The following BTRC variants were observed in gnomAD, a reference collection of about 807,000 sequenced individuals.
BTRC encodes the protein F-box/WD repeat-containing protein 1A.
In BTRC, 42 loss-of-function variants were observed where a neutral mutation model predicts 85.5. The observed-to-expected ratio is 0.49, with a 90% CI of 0.38 to 0.64. The LOEUF is 0.64. BTRC is among the 30% of genes least tolerant of loss of function. The probability of loss-of-function intolerance (pLI) is 0.00; values close to 1 mark genes in which losing one functional copy is unlikely to be tolerated. For synonymous variants in BTRC, 255 were observed against 263.3 expected, an observed-to-expected ratio of 0.97 and a Z score of 0.30; for missense variants, 594 against 743.5, an observed-to-expected ratio of 0.80 and a Z score of 2.34.
At chr10:101,363,021 C>T (rs1312803727) in intron 1 of BTRC, among the ~76,000 whole-genome samples, 1 of 152,046 alleles carries the variant, frequency 6.6e-6, no homozygotes, top group Non-Finnish European at 1.5e-5. Flanking sequence ...TTTTGGTATC[C>T]GATGGGAGGA....
At chr10:101,360,377 T>TC (rs1315985493) in intron 1 of BTRC, among the ~76,000 whole-genome samples, 2 of 146,300 alleles carry the variant, frequency 1.4e-5, no homozygotes, top group East Asian at 4.0e-4. Context: ...CTGCTTTTTT[T>TC]TTTTTTTTTT....
At chr10:101,442,792 T>C (rs1564775631) in intron 2 of BTRC, among the ~76,000 whole-genome samples, 1 of 152,182 alleles carries the variant, frequency 6.6e-6, no homozygotes, top group East Asian at 1.9e-4. Context: ...TTTTTCCTGG[T>C]TGTTAGAAAT....
chr10:101,502,306 T>C (rs1322927163), intron 4 of BTRC, among the ~76,000 whole-genome samples: 1 of 152,144 alleles, frequency 6.6e-6, no homozygotes, highest in African/African-American at 2.4e-5. Context: ...TTGTTACCAT[T>C]CTGATAATTT....
At chr10:101,523,085 T>C (rs993146534) in intron 5 of BTRC, among the ~76,000 whole-genome samples, 11 of 152,240 alleles carry the variant, frequency 7.2e-5, no homozygotes, top group Middle Eastern at 3.4e-3. Context: ...ACACCTGTTA[T>C]CTCAGCTACT....
chr10:101,483,891 G>GA (rs1200602000), intron 4 of BTRC, among the ~76,000 whole-genome samples: 1 of 152,110 alleles, frequency 6.6e-6, no homozygotes, highest in East Asian at 1.9e-4. Context: ...CTGGAAGGCT[G>GA]AAAAGCATTA....
intron 4 of BTRC, among the ~76,000 whole-genome samples, chr10:101,514,119 A>AT (rs1212231965): frequency 6.6e-6 from 1 of 152,132 alleles, no homozygotes; most frequent in African/African-American, 2.4e-5. Flanking sequence ...ATAAAACAGG[A>AT]TTTTTTAAAA....
intron 1 of BTRC, among the ~76,000 whole-genome samples, chr10:101,420,075 TC>T (rs1944058595): frequency 1.5e-5 from 2 of 134,342 alleles, no homozygotes; most frequent in Non-Finnish European, 3.3e-5. Context: ...TATATATATA[TC>T]ATGAATATAT....
intron 3 of BTRC, among the ~76,000 whole-genome samples, chr10:101,462,679 CA>C (rs564048359): frequency 0.47 from 46,212 of 99,218 alleles, 8,519 homozygotes; most frequent in Middle Eastern, 0.56. Flanking sequence ...AACTCCGTCT[CA>C]AAAAAAAAAA....
intron 1 of BTRC, among the ~76,000 whole-genome samples, chr10:101,420,048 G>A (rs1944056653): frequency 2.7e-5 from 1 of 36,516 alleles, no homozygotes; most frequent in South Asian, 1.4e-3. Flanking sequence ...GTGTCTGTGG[G>A]TATATGTGTA....
chr10:101,441,685 G>T (rs1283751498), intron 2 of BTRC, among the ~76,000 whole-genome samples: 1 of 152,142 alleles, frequency 6.6e-6, no homozygotes, highest in Non-Finnish European at 1.5e-5. Flanking sequence ...TTTGAGACCA[G>T]CCTGGGTAGC....
intron 1 of BTRC, among the ~76,000 whole-genome samples, chr10:101,409,017 C>A (rs917516997): frequency 3.9e-5 from 6 of 152,192 alleles, no homozygotes; most frequent in Middle Eastern, 3.4e-3. Flanking sequence ...CCACTGCACT[C>A]CAGCCTGGGC....
chr10:101,469,513 A>G (rs1163911941), intron 3 of BTRC, among the ~76,000 whole-genome samples: 1 of 152,208 alleles, frequency 6.6e-6, no homozygotes, highest in Non-Finnish European at 1.5e-5. Flanking sequence ...GAAGGAAAAT[A>G]AATTTTCTTT....
chr10:101,543,130 G>A lies in BTRC; in HGVS notation c.1656+4759G>A, dbSNP rs183568777. ...TGACCTCAGGTGATCCACACACCTC[G>A]GCCTCCCAAAGTGTTGGGATTACAG... On this transcript the variant is annotated intron_variant, in intron 13 of 14. Transcript: ENST00000370187. 5.1e-3 allele frequency among the ~76,000 whole-genome samples: 770 copies of A among 152,198 alleles called. 3 individuals carry two copies. Among genetic ancestry groups the A allele is most frequent in the African/African-American group, 0.017 (725 of 41,526 alleles).
At chr10:101,398,858 G>C (rs1197113559) in intron 1 of BTRC, among the ~76,000 whole-genome samples, 3 of 152,132 alleles carry the variant, frequency 2.0e-5, no homozygotes, top group South Asian at 4.1e-4. Context: ...AGCATAAGTT[G>C]GTCTTCATCA....
chr10:101,481,144 G>C (rs911487614), intron 4 of BTRC, among the ~76,000 whole-genome samples: 2 of 152,032 alleles, frequency 1.3e-5, no homozygotes, highest in African/African-American at 2.4e-5. Context: ...AGGTGTCGCT[G>C]TATTGCCTAG....
At chr10:101,480,159 T>C (rs977379410) in intron 4 of BTRC, among the ~76,000 whole-genome samples, 2 of 152,254 alleles carry the variant, frequency 1.3e-5, no homozygotes, top group African/African-American at 4.8e-5. Context: ...TTGAATTATC[T>C]GCAAAAATAT....
At chr10:101,505,707 A>G (rs1005721296) in intron 4 of BTRC, among the ~76,000 whole-genome samples, 11 of 152,052 alleles carry the variant, frequency 7.2e-5, no homozygotes, top group African/African-American at 2.7e-4. Flanking sequence ...AGTTGAAATT[A>G]TGGGCAATTT....
intron 2 of BTRC, among the ~76,000 whole-genome samples, chr10:101,446,251 A>C (rs752784555): frequency 6.6e-6 from 1 of 152,048 alleles, no homozygotes; most frequent in African/African-American, 2.4e-5. Context: ...GAAAAATCCT[A>C]CTAGCCTCTA....
chr10:101,549,605 T>C lies in BTRC; in HGVS notation c.1657-1094T>C, dbSNP rs919144379. ...GGCAGGCGCCTGTAGTCCCAGCTAC[T>C]CGGGAGGCTGAGGCAGGAGAACGGC... On this transcript the variant is annotated intron_variant, in intron 13 of 14. Transcript: ENST00000370187. Among the ~76,000 whole-genome samples, 7 of 149,202 alleles carry C rather than the reference T, an allele frequency of 4.7e-5. No individual in the cohort carries two copies. The Admixed American group carries it at 4.7e-4, about 10-fold the overall frequency.
Sources: gnomAD v4.1 joint callset for allele counts (sites outside exome capture counted in the v4.1 genomes callset) on GRCh38, gnomAD v4.1.1 for gene constraint, MANE v1.5 for transcripts, NCBI Gene and HGNC (gene_info 2026-07-23, HGNC 2026-07-21) for gene names.